CNTLN: variants seen among roughly 807,000 people sequenced by gnomAD.
The protein encoded by CNTLN is centlein, centrosomal protein.
Under a neutral mutation model 180.0 loss-of-function variants are expected in CNTLN, and 212 were observed. The ratio of observed to expected loss-of-function variants is 1.18; its 90% CI spans 1.05 to 1.32. CNTLN has a LOEUF of 1.32. Ranked by LOEUF, CNTLN falls within the 40% of genes most tolerant of loss-of-function variation. CNTLN has a pLI of 0.00. For synonymous variants in CNTLN, 722 were observed against 563.1 expected, an observed-to-expected ratio of 1.28 and a Z score of -3.99; for missense variants, 2,095 against 1,610.9, an observed-to-expected ratio of 1.30 and a Z score of -5.14.
chr9:17,459,897 GGGTTCGGTGAGA>G (rs949519399), intron 19 of CNTLN, among the ~76,000 whole-genome samples: 6 of 151,630 alleles, frequency 4.0e-5, no homozygotes, highest in Admixed American at 2.6e-4. Flanking sequence ...AAAGTACTGA[GGGTTCGGTGAGA>G]ACTTCTACAT....
intron 6 of CNTLN, among the ~76,000 whole-genome samples, chr9:17,281,351 T>C (rs1300950762): frequency 6.6e-6 from 1 of 152,126 alleles, no homozygotes; most frequent in African/African-American, 2.4e-5. Context: ...GGTAAATATG[T>C]GCCATGGTGG....
intron 23 of CNTLN, among the ~76,000 whole-genome samples, chr9:17,474,627 G>T (rs1376335426): frequency 3.3e-5 from 5 of 152,084 alleles, no homozygotes; most frequent in Admixed American, 6.6e-5. Context: ...CCAGCACTTT[G>T]GGAGGCCGAG....
intron 5 of CNTLN, among the ~76,000 whole-genome samples, chr9:17,245,022 A>G (rs1825718737): frequency 1.3e-5 from 2 of 152,204 alleles, no homozygotes; most frequent in Non-Finnish European, 2.9e-5. Context: ...AAGTTGTCAC[A>G]GTTATTTTGG....
chr9:17,450,805 A>G (rs1037765122), intron 18 of CNTLN, among the ~76,000 whole-genome samples: 1 of 152,036 alleles, frequency 6.6e-6, no homozygotes, highest in Non-Finnish European at 1.5e-5. Context: ...TGTTACATAA[A>G]TAATTACATC....
chr9:17,506,130 A>G (rs1399552057), downstream of CNTLN, among the ~76,000 whole-genome samples: 1 of 152,116 alleles, frequency 6.6e-6, no homozygotes, highest in South Asian at 2.1e-4. Flanking sequence ...ACATTCAGAC[A>G]TAAATTACAT....
intron 2 of CNTLN, among the ~76,000 whole-genome samples, chr9:17,162,134 A>G (rs1218858952): frequency 6.6e-6 from 1 of 150,890 alleles, no homozygotes; most frequent in African/African-American, 2.4e-5. Flanking sequence ...TTTTTTTTTG[A>G]GACAGAGTCT....
At chr9:17,235,617 A>G (rs1223904227) in intron 3 of CNTLN, 41 bp from the exon 4 acceptor site, 4 of 1,427,488 alleles carry the variant, frequency 2.8e-6, no homozygotes, top group Non-Finnish European at 3.7e-6. Flanking sequence ...TGTTTTTCTT[A>G]GAAATAAAAG....
rs541549312 is a variant in CNTLN, at chr9:17,183,227, A to G, written c.449+39851A>G. Among the ~76,000 whole-genome samples the G allele has an allele frequency of 1.7e-4, 26 of 152,318 alleles. No individual in the cohort carries two copies. The South Asian group carries it at 4.6e-3, about 27-fold the overall frequency. ...AGATAAATTTATAATTAGTAAACCA[A>G]AATGTTTTAAAATTCATCCATAAAT... On this transcript the variant is annotated intron_variant, in intron 2 of 25. Transcript: ENST00000380647.
intron 2 of CNTLN, among the ~76,000 whole-genome samples, chr9:17,185,608 G>T (rs1821380164): frequency 6.6e-6 from 1 of 152,016 alleles, no homozygotes; most frequent in Non-Finnish European, 1.5e-5. Context: ...ATGACGGGTG[G>T]GATCTACTAT....
intron 10 of CNTLN, among the ~76,000 whole-genome samples, chr9:17,334,140 C>T (rs1440362920): frequency 2.0e-5 from 3 of 151,948 alleles, no homozygotes; most frequent in African/African-American, 7.3e-5. Flanking sequence ...GCTCACTGCA[C>T]CCTCTGCCTC....
intron 2 of CNTLN, among the ~76,000 whole-genome samples, chr9:17,208,747 G>C (rs552053957): frequency 6.6e-6 from 1 of 152,136 alleles, no homozygotes; most frequent in South Asian, 2.1e-4. Context: ...ATTTATCGGC[G>C]TATAGTTGCT....
chr9:17,340,911 A>G lies in CNTLN; in HGVS notation c.1729A>G (p.Lys577Glu). The part of the protein sequence containing the change: ...QMLQTNYRAV[K>E]EQLKQWEEGS... ...GTTACAGACCAACTACAGAGCAGTA[A>G]AAGAGCAATTAAAACAGTGGGAAGA... The change falls in exon 11 of 26, where the codon AAA (lysine) becomes GAA (glutamate). Residue 577 changes from lysine (K) to glutamate (E), a missense_variant. Transcript: ENST00000380647. The G allele has an allele frequency of 6.2e-7, 1 of 1,612,090 alleles. No individual in the cohort carries two copies. The highest frequency in any genetic ancestry group is 8.5e-7 in the Non-Finnish European group (1 of 1,178,934).
intron 6 of CNTLN, among the ~76,000 whole-genome samples, chr9:17,293,708 C>G (rs1418342316): frequency 4.6e-5 from 7 of 152,156 alleles, no homozygotes; most frequent in Admixed American, 4.6e-4. Flanking sequence ...ACTCAGGCAT[C>G]TTAGGCAAAA....
In CNTLN at chr9:17,235,728, C is replaced by G; in HGVS notation, c.605C>G (p.Ala202Gly). 1 of 1,604,522 alleles carries G rather than the reference C, an allele frequency of 6.2e-7. No homozygotes were observed. Among genetic ancestry groups the G allele is most frequent in the Non-Finnish European group, 8.5e-7 (1 of 1,174,742 alleles). ...KRKIAVDEEN[A>G]FLRKEFSDLE... ...AAAATTGCAGTAGATGAAGAAAATG[C>G]TTTCTTAAGGAAAGAATTCAGTGAC... Residue 202 changes from alanine (A) to glycine (G), a missense_variant, in exon 4 of 26, where the codon GCT (alanine) becomes GGT (glycine). Coordinates refer to ENST00000380647, the MANE Select transcript of CNTLN (RefSeq NM_017738.4).
chr9:17,433,112 G>A (rs987274126), intron 18 of CNTLN, among the ~76,000 whole-genome samples: 3 of 151,346 alleles, frequency 2.0e-5, no homozygotes, highest in African/African-American at 7.3e-5. Flanking sequence ...CCTCACTAGA[G>A]GAAGCTATTT....
intron 18 of CNTLN, among the ~76,000 whole-genome samples, chr9:17,420,199 C>A (rs1461874631): frequency 6.6e-6 from 1 of 152,112 alleles, no homozygotes; most frequent in Non-Finnish European, 1.5e-5. Context: ...GGGTCCTGGG[C>A]TTTTCTTTGC....
At chr9:17,285,360 T>C (rs1828920126) in intron 6 of CNTLN, among the ~76,000 whole-genome samples, 2 of 146,074 alleles carry the variant, frequency 1.4e-5, no homozygotes, top group Admixed American at 1.4e-4. Flanking sequence ...CTGCATAGTA[T>C]TCCATGGTGT....
At chr9:17,185,399 C>A (rs1821365847) in intron 2 of CNTLN, among the ~76,000 whole-genome samples, 1 of 152,198 alleles carries the variant, frequency 6.6e-6, no homozygotes, top group Admixed American at 6.5e-5. Context: ...GATAATAATA[C>A]ATTCCTAACT....
At position 17,424,204 on chromosome 9, in the gene CNTLN, C is replaced by G. The variant is rs144940074; in HGVS notation, c.3114+8015C>G. On this transcript the variant is annotated intron_variant, in intron 18 of 25. Coordinates refer to ENST00000380647, the MANE Select transcript of CNTLN (RefSeq NM_017738.4). ...CTGATTAAAACAATGTATTTTTTCT[C>G]CTTACATATTAAAATCTGTATTGCA... 6.9e-3 allele frequency among the ~76,000 whole-genome samples: 1,049 copies of G among 152,096 alleles called. 11 individuals are homozygous for G. Among genetic ancestry groups the G allele is most frequent in the African/African-American group, 0.024 (1,008 of 41,488 alleles).
Sources: allele counts gnomAD v4.1 joint callset (sites outside exome capture counted in the v4.1 genomes callset), GRCh38; gene constraint gnomAD v4.1.1; transcripts MANE v1.5; gene names NCBI Gene and HGNC (gene_info 2026-07-23, HGNC 2026-07-21).